The following RBPMS2 variants were observed in gnomAD, a reference collection of about 807,000 sequenced individuals.
RBPMS2 encodes RNA binding protein, mRNA processing factor 2.
RBPMS2 carries 14 observed loss-of-function variants against 25.7 expected under a neutral mutation model. That is an observed-to-expected ratio of 0.55 (90% CI 0.36 to 0.85). The LOEUF (loss-of-function observed/expected upper bound fraction) is 0.85. Among genes scored for constraint, RBPMS2 ranks in the 40% least tolerant of loss-of-function variants. RBPMS2 has a pLI of 0.01. For synonymous variants in RBPMS2, 127 were observed against 115.6 expected, an observed-to-expected ratio of 1.10 and a Z score of -0.63; for missense variants, 252 against 283.4, an observed-to-expected ratio of 0.89 and a Z score of 0.80.
At chr15:64,751,881 C>T (rs1053045156) in intron 1 of RBPMS2, among the ~76,000 whole-genome samples, 5 of 152,052 alleles carry the variant, frequency 3.3e-5, no homozygotes, top group African/African-American at 1.2e-4. Context: ...TGCCTCTGCA[C>T]ACAGACTGAG....
chr15:64,757,711 C>T (rs2083746155), intron 1 of RBPMS2, among the ~76,000 whole-genome samples: 1 of 152,256 alleles, frequency 6.6e-6, no homozygotes, highest in East Asian at 1.9e-4. Context: ...GTGTCTCAGG[C>T]CAGTACAGGG....
intron 1 of RBPMS2, among the ~76,000 whole-genome samples, chr15:64,774,023 G>C (rs2083910116): frequency 1.3e-5 from 2 of 152,234 alleles, no homozygotes; most frequent in Admixed American, 1.3e-4. Flanking sequence ...TCCAAACCTA[G>C]ATTGTCATCG....
rs2083923243 is a variant in RBPMS2, at chr15:64,775,309, A to G, written c.11T>C (p.Leu4Pro). The change falls in exon 1 of 8, where the codon CTG becomes CCG. Residue 4 changes from leucine to proline, a missense_variant. Physicochemically the swap from Leu to Pro is moderately conservative, Grantham distance 98. Coordinates refer to ENST00000300069, the MANE Select transcript of RBPMS2 (RefSeq NM_194272.3). Reference protein sequence around the residue: MSNLKPDGEHGGST... With the variant: MSNPKPDGEHGGST... Reference sequence around the variant, plus strand: ...GCCGCCGTGCTCGCCGTCCGGCTTCAGGTTGCTCATGGTGCGGGGGAGGGG... The same window carrying G: ...GCCGCCGTGCTCGCCGTCCGGCTTCGGGTTGCTCATGGTGCGGGGGAGGGG... 2.2e-6 allele frequency: 3 copies of G among 1,341,114 alleles called. No individual in the cohort carries two copies. In the East Asian group the frequency reaches 1.0e-4, roughly 45 times the overall value. 83.1% of individuals were successfully genotyped at this position (1,341,114 alleles called of 1,614,324 possible).
intron 1 of RBPMS2, among the ~76,000 whole-genome samples, chr15:64,764,167 C>T (rs1225795510): frequency 1.3e-5 from 2 of 152,200 alleles, no homozygotes; most frequent in South Asian, 2.1e-4. Context: ...GGAAGCCTCC[C>T]AGGCCCACCC....
intron 6 of RBPMS2, among the ~76,000 whole-genome samples, chr15:64,745,977 G>A (rs1416602847): frequency 1.3e-5 from 2 of 152,084 alleles, no homozygotes; most frequent in Non-Finnish European, 2.9e-5. Context: ...CCTTCTATTG[G>A]TCTTTTGGGT....
At chr15:64,760,153 G>A (rs1353677257) in intron 1 of RBPMS2, among the ~76,000 whole-genome samples, 2 of 152,258 alleles carry the variant, frequency 1.3e-5, no homozygotes, top group African/African-American at 4.8e-5. Context: ...TGCAGGAATA[G>A]GGAATGGGCT....
At chr15:64,768,880 C>G (rs1035092490) in intron 1 of RBPMS2, among the ~76,000 whole-genome samples, 2 of 149,512 alleles carry the variant, frequency 1.3e-5, no homozygotes, top group Non-Finnish European at 3.0e-5. Context: ...GTGGGTGGAT[C>G]ACCAGGTCAG....
At chr15:64,757,415 G>T (rs776016675) in intron 1 of RBPMS2, among the ~76,000 whole-genome samples, 1 of 152,096 alleles carries the variant, frequency 6.6e-6, no homozygotes, top group Non-Finnish European at 1.5e-5. Context: ...TCCCTCATCA[G>T]GTGCCATGAG....
chr15:64,762,357 G>A (rs776202558), intron 1 of RBPMS2: 1 of 380,618 alleles, frequency 2.6e-6, no homozygotes, highest in Non-Finnish European at 5.2e-6. Flanking sequence ...GGAGGTTGGG[G>A]ATGGGTGCTG....
intron 1 of RBPMS2, among the ~76,000 whole-genome samples, chr15:64,770,851 C>A (rs1425274516): frequency 6.6e-6 from 1 of 152,076 alleles, no homozygotes; most frequent in Non-Finnish European, 1.5e-5. Flanking sequence ...GAGGGCTGAC[C>A]TCAAGCCACC....
Position 64,775,312 on chromosome 15 carries a change from T to G in RBPMS2, c.8A>C (p.Asn3Thr). The G allele has an allele frequency of 7.5e-7, 1 of 1,340,238 alleles. No homozygotes were observed. Among genetic ancestry groups the G allele is most frequent in the South Asian group, 1.8e-5 (1 of 57,050 alleles). 83.0% of individuals were successfully genotyped at this position (1,340,238 alleles called of 1,614,324 possible). ...GCCGTGCTCGCCGTCCGGCTTCAGG[T>G]TGCTCATGGTGCGGGGGAGGGGGCG... MS[N>T]LKPDGEHGGS... is the part of the protein sequence containing the mutation. Residue 3 changes from asparagine to threonine, a missense_variant, in exon 1 of 8, where the codon AAC becomes ACC. Physicochemically the swap from Asn to Thr is moderately conservative, Grantham distance 65. Transcript: ENST00000300069.
intron 1 of RBPMS2, among the ~76,000 whole-genome samples, chr15:64,768,029 G>T (rs12900356): frequency 6.6e-6 from 1 of 152,112 alleles, no homozygotes; most frequent in African/African-American, 2.4e-5. Context: ...CAGATTGCCC[G>T]TATGTGGAAA....
At chr15:64,750,314 G>A (rs754405080) in intron 3 of RBPMS2, 29 bp downstream of exon 3, 6 of 1,605,732 alleles carry the variant, frequency 3.7e-6, no homozygotes, top group South Asian at 1.1e-5. Flanking sequence ...TCTGGGCTGG[G>A]AGGAAGAAAA....
In RBPMS2 at chr15:64,749,002, G is replaced by T. The variant is rs2083647182; in HGVS notation, c.416C>A (p.Pro139His). ...ALGAHFIARD[P>H]YDLMGAALIP... is the part of the protein sequence containing the mutation. Reference sequence around the variant, plus strand: ...TGCCAGCTCAGAGTGCCACTCACAGGGGTCCCGTGCGATGAAGTGTGCTCC... The same window carrying T: ...TGCCAGCTCAGAGTGCCACTCACAGTGGTCCCGTGCGATGAAGTGTGCTCC... Residue 139 changes from proline (P) to histidine (H), a missense_variant and splice_region_variant, in exon 5 of 8, where the codon CCC becomes CAC. Coordinates refer to ENST00000300069, the MANE Select transcript of RBPMS2 (RefSeq NM_194272.3). 6 of 1,614,032 alleles carry T rather than the reference G, an allele frequency of 3.7e-6. No homozygotes were observed. Among genetic ancestry groups the T allele is most frequent in the Non-Finnish European group, 5.1e-6 (6 of 1,180,006 alleles).
At chr15:64,744,417 G>C (rs2141054372) in intron 6 of RBPMS2, among the ~76,000 whole-genome samples, 1 of 151,888 alleles carries the variant, frequency 6.6e-6, no homozygotes, top group South Asian at 2.1e-4. Context: ...AATCAGCTGG[G>C]CGTGGTGGTA....
rs1268958261 is a variant in RBPMS2 at position 64,740,655 on chromosome 15, A to T, written c.*353T>A. On this transcript the variant is annotated 3_prime_UTR_variant, in exon 8 of 8. Transcript: ENST00000300069. ...AGTGTCTTAATTCATGCCAGAAAAC[A>T]TGCAAAATTAAACACCTCACTTCCT... is the stretch of plus-strand genomic sequence containing the variant. The T allele has an allele frequency of 6.3e-6, 1 of 158,304 alleles. No homozygotes were observed. Among genetic ancestry groups the T allele is most frequent in the Non-Finnish European group, 1.4e-5 (1 of 71,244 alleles). The allele number at this position is 158,304 out of a possible 1,614,324, so 9.8% of individuals were successfully genotyped here.
At chr15:64,770,168 G>A (rs191164576) in intron 1 of RBPMS2, among the ~76,000 whole-genome samples, 3 of 152,006 alleles carry the variant, frequency 2.0e-5, no homozygotes, top group South Asian at 2.1e-4. Flanking sequence ...GACATGGCGA[G>A]ACTCCGTCTC....
At chr15:64,773,387 T>C (rs1036079157) in intron 1 of RBPMS2, among the ~76,000 whole-genome samples, 1 of 152,170 alleles carries the variant, frequency 6.6e-6, no homozygotes, top group Non-Finnish European at 1.5e-5. Flanking sequence ...TCAGAACCCT[T>C]TGTTCTGGAC....
At chr15:64,773,619 A>G (rs2083907040) in intron 1 of RBPMS2, among the ~76,000 whole-genome samples, 1 of 152,150 alleles carries the variant, frequency 6.6e-6, no homozygotes, top group Non-Finnish European at 1.5e-5. Context: ...TTCTCACCCA[A>G]CAGCAGTGGG....
Sources: gnomAD v4.1 joint callset for allele counts (sites outside exome capture counted in the v4.1 genomes callset) on GRCh38, gnomAD v4.1.1 for gene constraint, MANE v1.5 for transcripts, NCBI Gene and HGNC (gene_info 2026-07-23, HGNC 2026-07-21) for gene names.